The following TAFA1 variants were observed in gnomAD, a reference collection of about 807,000 sequenced individuals.
TAFA1 encodes chemokine-like protein TAFA-1.
A neutral mutation model predicts 18.5 loss-of-function variants in TAFA1; 4 were observed. That is an observed-to-expected ratio of 0.22 (90% CI 0.11 to 0.49). The LOEUF is 0.49. Ranked by LOEUF, TAFA1 falls within the 20% of genes least tolerant of loss-of-function variation. The probability of loss-of-function intolerance (pLI) is 0.98; values close to 1 mark genes in which losing one functional copy is unlikely to be tolerated. For synonymous variants in TAFA1, 56 were observed against 55.2 expected (o/e 1.01, Z -0.06); for missense variants, 147 against 169.0 (o/e 0.87, Z 0.72).
intron 2 of TAFA1, among the ~76,000 whole-genome samples, chr3:68,107,996 G>A (rs1050809231): frequency 3.9e-5 from 6 of 152,012 alleles, no homozygotes; most frequent in Admixed American, 6.6e-5. Context: ...ATGCTATAAC[G>A]TATGGGTGAG....
chr3:68,390,541 C>A (rs987279236), intron 2 of TAFA1, among the ~76,000 whole-genome samples: 4 of 152,196 alleles, frequency 2.6e-5, no homozygotes, highest in Non-Finnish European at 5.9e-5. Context: ...GGGTTCCTGA[C>A]CCCCATGCCT....
At chr3:68,243,943 C>T (rs907073592) in intron 2 of TAFA1, among the ~76,000 whole-genome samples, 19 of 152,298 alleles carry the variant, frequency 1.2e-4, no homozygotes, top group African/African-American at 4.6e-4. Flanking sequence ...TCCTCACCAG[C>T]ATTTGGTGTG....
chr3:68,432,475 TTAAGA>T (rs368056034), intron 3 of TAFA1, among the ~76,000 whole-genome samples: 16 of 152,134 alleles, frequency 1.1e-4, no homozygotes, highest in African/African-American at 2.2e-4. Context: ...TTTCTAGAGC[TTAAGA>T]TAAGAAATCA....
chr3:68,272,354 C>G (rs1294596739), intron 2 of TAFA1, among the ~76,000 whole-genome samples: 1 of 152,198 alleles, frequency 6.6e-6, no homozygotes, highest in Non-Finnish European at 1.5e-5. Context: ...CAAACCCAAG[C>G]TTCCTTGTTT....
At position 68,421,779 on chromosome 3, in the gene TAFA1, A is replaced by G. The variant is rs533194910; in HGVS notation, c.259+4359A>G. On this transcript the variant is annotated intron_variant, in intron 3 of 4. Transcript: ENST00000478136. ...CCCTTCAGAGGCTCACTAAATGATA[A>G]TATCTGTTTTCTATCTCACTAGTAA... Among the ~76,000 whole-genome samples, 10 of 152,218 alleles carry G rather than the reference A, an allele frequency of 6.6e-5. No individual in the cohort carries two copies. The South Asian group carries it at 1.5e-3, about 22-fold the overall frequency.
At chr3:68,423,084 T>C (rs1348097296) in intron 3 of TAFA1, among the ~76,000 whole-genome samples, 1 of 152,042 alleles carries the variant, frequency 6.6e-6, no homozygotes, top group Non-Finnish European at 1.5e-5. Flanking sequence ...TCTGGAGGGC[T>C]TATGAAGTTA....
chr3:68,327,399 T>G (rs2068794559), intron 2 of TAFA1, among the ~76,000 whole-genome samples: 1 of 152,142 alleles, frequency 6.6e-6, no homozygotes, highest in Admixed American at 6.6e-5. Context: ...AGAAATACAT[T>G]TTTACAAAAA....
intron 2 of TAFA1, among the ~76,000 whole-genome samples, chr3:68,335,170 T>G (rs2068950283): frequency 6.6e-6 from 1 of 152,224 alleles, no homozygotes; most frequent in South Asian, 2.1e-4. Context: ...TGATTTTTCT[T>G]TCTCTTCATA....
intron 3 of TAFA1, among the ~76,000 whole-genome samples, chr3:68,465,138 G>A (rs2071862163): frequency 6.6e-6 from 1 of 152,122 alleles, no homozygotes; most frequent in African/African-American, 2.4e-5. Flanking sequence ...GATGGGAGGG[G>A]AGAGGAGCAG....
intron 2 of TAFA1, among the ~76,000 whole-genome samples, chr3:68,273,962 T>C (rs1206875907): frequency 6.6e-6 from 1 of 152,160 alleles, no homozygotes; most frequent in Non-Finnish European, 1.5e-5. Flanking sequence ...AACTCTTTTG[T>C]TAAATTTACA....
chr3:68,531,570 T>C (rs1268782000), intron 3 of TAFA1, among the ~76,000 whole-genome samples: 1 of 152,152 alleles, frequency 6.6e-6, no homozygotes, highest in East Asian at 1.9e-4. Context: ...GAGGCATTTT[T>C]CCCTTATCAG....
intron 2 of TAFA1, among the ~76,000 whole-genome samples, chr3:68,175,974 G>T (rs1370855339): frequency 6.6e-6 from 1 of 152,120 alleles, no homozygotes. Context: ...TGTCTCACAA[G>T]ACCTGGTGAT....
intron 2 of TAFA1, among the ~76,000 whole-genome samples, chr3:68,106,780 C>T (rs2065209444): frequency 6.6e-6 from 1 of 151,878 alleles, no homozygotes; most frequent in African/African-American, 2.4e-5. Context: ...TGAACATATA[C>T]CTCAACAAAA....
intron 2 of TAFA1, among the ~76,000 whole-genome samples, chr3:68,368,414 T>G (rs1024848653): frequency 3.3e-5 from 5 of 152,188 alleles, no homozygotes; most frequent in African/African-American, 1.2e-4. Context: ...TTTTAGTGAC[T>G]TTATCACTAG....
At chr3:68,358,003 T>A (rs1230519906) in intron 2 of TAFA1, among the ~76,000 whole-genome samples, 1 of 151,974 alleles carries the variant, frequency 6.6e-6, no homozygotes, top group Non-Finnish European at 1.5e-5. Context: ...TTGATATTCT[T>A]ACAAAAGTAT....
intron 2 of TAFA1, among the ~76,000 whole-genome samples, chr3:68,221,916 G>T (rs997118303): frequency 2.0e-5 from 3 of 152,158 alleles, no homozygotes; most frequent in Non-Finnish European, 4.4e-5. Flanking sequence ...AAAATCCATG[G>T]TGTATTTGTT....
intron 2 of TAFA1, among the ~76,000 whole-genome samples, chr3:68,254,080 T>C (rs942097924): frequency 1.3e-5 from 2 of 151,794 alleles, no homozygotes; most frequent in African/African-American, 2.4e-5. Flanking sequence ...TGTCTGTCTG[T>C]CTGCCTGTCT....
At chr3:68,290,048 T>C (rs2068080672) in intron 2 of TAFA1, among the ~76,000 whole-genome samples, 1 of 152,226 alleles carries the variant, frequency 6.6e-6, no homozygotes, top group African/African-American at 2.4e-5. Context: ...TCTGTTGAAC[T>C]TTAGTTTCAT....
chr3:67,992,969 G>T, the TAFA1 span, among the ~76,000 whole-genome samples: 2 of 152,224 alleles, frequency 1.3e-5, no homozygotes, highest in Non-Finnish European at 2.9e-5. Flanking sequence ...GGTCAGGCTT[G>T]AGTCATGTGA....
Sources: allele counts gnomAD v4.1 joint callset (sites outside exome capture counted in the v4.1 genomes callset), GRCh38; gene constraint gnomAD v4.1.1; transcripts MANE v1.5; gene names NCBI Gene and HGNC (gene_info 2026-07-23, HGNC 2026-07-21).